The following NRXN3 variants were observed in gnomAD, a reference collection of about 807,000 sequenced individuals.
The protein encoded by NRXN3 is neurexin III.
In NRXN3, 32 loss-of-function variants were observed where a neutral mutation model predicts 137.6. The ratio of observed to expected loss-of-function variants is 0.23; its 90% confidence interval spans 0.18 to 0.31. NRXN3 has a LOEUF of 0.31. Ranked by LOEUF, NRXN3 falls within the 10% of genes least tolerant of loss-of-function variation. NRXN3 has a pLI of 1.00. For missense variants in NRXN3, 1,574 were observed against 2,062.5 expected (o/e 0.76, Z 4.59); for synonymous variants, 798 against 784.5 (o/e 1.02, Z -0.29).
chr14:79,051,364 T>A (rs762652752), intron 15 of NRXN3, among the ~76,000 whole-genome samples: 3 of 152,238 alleles, frequency 2.0e-5, no homozygotes, highest in Non-Finnish European at 4.4e-5. Flanking sequence ...AAAGTTATTT[T>A]CATCTTTCTC....
intron 6 of NRXN3, among the ~76,000 whole-genome samples, chr14:78,679,207 GT>G (rs1390522305): frequency 1.3e-5 from 2 of 152,160 alleles, no homozygotes; most frequent in African/African-American, 4.8e-5. Context: ...GCATTGATTA[GT>G]AGATACGAAA....
chr14:79,090,589 T>C (rs1013006579), intron 15 of NRXN3, among the ~76,000 whole-genome samples: 1 of 152,116 alleles, frequency 6.6e-6, no homozygotes, highest in African/African-American at 2.4e-5. Context: ...TCCCCAGTGC[T>C]TCTGTCACCA....
At chr14:79,625,749 C>T (rs1457533240) in intron 16 of NRXN3, among the ~76,000 whole-genome samples, 1 of 152,110 alleles carries the variant, frequency 6.6e-6, no homozygotes, top group Non-Finnish European at 1.5e-5. Flanking sequence ...CCTTTATTCC[C>T]AGTTGTCCTG....
chr14:78,722,837 A>ATGAG (rs1360473993), intron 8 of NRXN3, among the ~76,000 whole-genome samples: 1 of 152,154 alleles, frequency 6.6e-6, no homozygotes, highest in African/African-American at 2.4e-5. Flanking sequence ...CAATTGGGAC[A>ATGAG]TGAGTGTGGG....
rs558211837 is a variant in NRXN3 at position 78,900,294 on chromosome 14, G to A, written c.2276-56948G>A. ...GGCATCTCAGGACCAAAATGCCTGCGTTTGAAGCCCCTGGGAATTTGGCCT... is the reference window on the plus strand; with the variant it reads ...GGCATCTCAGGACCAAAATGCCTGCATTTGAAGCCCCTGGGAATTTGGCCT... On this transcript the variant is annotated intron_variant, in intron 10 of 20. Coordinates refer to ENST00000335750, the MANE Select transcript of NRXN3 (RefSeq NM_001330195.2). Among the ~76,000 whole-genome samples the A allele has an allele frequency of 9.9e-5, 15 of 151,964 alleles. No homozygotes were observed. The East Asian group carries it at 1.2e-3, about 12-fold the overall frequency.
intron 15 of NRXN3, among the ~76,000 whole-genome samples, chr14:79,273,186 A>AT (rs1177444501): frequency 7.3e-6 from 1 of 137,274 alleles, no homozygotes; most frequent in African/African-American, 2.6e-5. Context: ...AAAAAAAAAA[A>AT]AAAAAAAAAA....
intron 15 of NRXN3, among the ~76,000 whole-genome samples, chr14:79,418,864 T>C (rs1217468761): frequency 6.6e-6 from 1 of 152,064 alleles, no homozygotes; most frequent in African/African-American, 2.4e-5. Context: ...CACAGTGAGA[T>C]CAGTTACTGG....
chr14:78,372,523 C>T (rs893088205), intron 4 of NRXN3, among the ~76,000 whole-genome samples: 1 of 152,112 alleles, frequency 6.6e-6, no homozygotes, highest in Non-Finnish European at 1.5e-5. Flanking sequence ...GATAGGGTTT[C>T]ACCATGTTGG....
At chr14:78,198,176 T>C (rs560474099) in intron 1 of NRXN3, among the ~76,000 whole-genome samples, 1 of 152,320 alleles carries the variant, frequency 6.6e-6, no homozygotes, top group African/African-American at 2.4e-5. Context: ...ATTTTCTTTT[T>C]CTGTTCTCCT....
At chr14:79,233,159 G>C (rs1329083514) in intron 15 of NRXN3, among the ~76,000 whole-genome samples, 1 of 152,096 alleles carries the variant, frequency 6.6e-6, no homozygotes, top group Admixed American at 6.6e-5. Flanking sequence ...GTAAGTTCTA[G>C]CAGCAAGTCT....
intron 6 of NRXN3, 73 bp from the exon 7 acceptor site, chr14:78,709,144 G>A (rs2098385184): frequency 7.1e-7 from 1 of 1,403,154 alleles, no homozygotes; most frequent in Non-Finnish European, 9.7e-7. Flanking sequence ...ATTTTTCCAG[G>A]TGCCCAGTGA....
chr14:78,944,769 C>T (rs553722463), intron 10 of NRXN3, among the ~76,000 whole-genome samples: 2 of 152,252 alleles, frequency 1.3e-5, no homozygotes, highest in South Asian at 2.1e-4. Context: ...AACATATTTT[C>T]GTTGAAAGCT....
At chr14:78,697,907 G>A (rs2098243020) in intron 6 of NRXN3, 1 of 151,952 alleles carries the variant, frequency 6.6e-6, no homozygotes, top group Non-Finnish European at 1.5e-5. Context: ...GCTCTTTGGA[G>A]CACTTTGAAA....
At position 78,266,996 on chromosome 14, in the gene NRXN3, G is replaced by A. The variant is rs571780983; in HGVS notation, c.710-11649G>A. Among the ~76,000 whole-genome samples, 4 of 152,264 alleles carry A rather than the reference G, an allele frequency of 2.6e-5. No individual in the cohort carries two copies. The South Asian group carries it at 6.2e-4, about 24-fold the overall frequency. ...GAGGCATTCAGTTGAATGCTGTCTT[G>A]AGCCACTATGTTACCCCTTCCTTCT... On this transcript the variant is annotated intron_variant, in intron 2 of 20. Coordinates refer to ENST00000335750, the MANE Select transcript of NRXN3 (RefSeq NM_001330195.2).
chr14:79,839,655 A>C (rs995567971), intron 20 of NRXN3, among the ~76,000 whole-genome samples: 1 of 152,112 alleles, frequency 6.6e-6, no homozygotes, highest in Admixed American at 6.6e-5. Context: ...TGATGTAATC[A>C]TGTGTCTATT....
At chr14:79,282,297 A>G (rs1323399382) in intron 15 of NRXN3, among the ~76,000 whole-genome samples, 1 of 152,210 alleles carries the variant, frequency 6.6e-6, no homozygotes, top group Non-Finnish European at 1.5e-5. Context: ...ATAATTAAAC[A>G]CGGAAATGCT....
chr14:78,749,748 G>A (rs1327219736), intron 8 of NRXN3, among the ~76,000 whole-genome samples: 1 of 152,162 alleles, frequency 6.6e-6, no homozygotes, highest in Non-Finnish European at 1.5e-5. Context: ...CTATCTCCCT[G>A]GGGTTCCTTT....
chr14:78,994,553 G>A lies in NRXN3; in HGVS notation c.3262+6412G>A, dbSNP rs192603676. Among the ~76,000 whole-genome samples, 248 of 152,216 alleles carry A rather than the reference G, an allele frequency of 1.6e-3. 1 individual carries two copies. The highest frequency in any genetic ancestry group is 2.9e-3 in the Non-Finnish European group (199 of 68,014). On this transcript the variant is annotated intron_variant, in intron 15 of 20. Transcript: ENST00000335750. ...TTTCATTGAGTCGTTGGTGGAGATC[G>A]ATCTTGAAAATTTATTTATAAAGAA...
chr14:79,001,638 A>G (rs145719820), intron 15 of NRXN3, among the ~76,000 whole-genome samples: 79 of 152,210 alleles, frequency 5.2e-4, no homozygotes, highest in Non-Finnish European at 1.0e-3. Context: ...GGTCAGTTAA[A>G]TCCATACTCA....
Sources: allele counts gnomAD v4.1 joint callset (sites outside exome capture counted in the v4.1 genomes callset), GRCh38; gene constraint gnomAD v4.1.1; transcripts MANE v1.5; gene names NCBI Gene and HGNC (gene_info 2026-07-23, HGNC 2026-07-21).